The following TANC2 variants were observed in gnomAD, a reference collection of about 807,000 sequenced individuals.
The protein encoded by TANC2 is tetratricopeptide repeat, ankyrin repeat and coiled-coil containing 2.
A neutral mutation model predicts 210.5 loss-of-function variants in TANC2; 26 were observed. The ratio of observed to expected loss-of-function variants is 0.12; its 90% CI spans 0.09 to 0.17. TANC2 has a LOEUF of 0.17. TANC2 is among the 10% of genes least tolerant of loss of function. The pLI, the probability that TANC2 is intolerant of heterozygous loss-of-function variation, is 1.00. For missense variants in TANC2, 2,129 were observed against 2,608.9 expected (o/e 0.82, Z 4.01); for synonymous variants, 931 against 967.1 (o/e 0.96, Z 0.69).
chr17:63,105,670 C>G (rs1035913562), intron 4 of TANC2, among the ~76,000 whole-genome samples: 2 of 151,466 alleles, frequency 1.3e-5, no homozygotes, highest in Admixed American at 1.3e-4. Context: ...TCATTTATAT[C>G]TTGGAAAAAA....
chr17:63,181,557 G>A (rs1383487107), intron 5 of TANC2, among the ~76,000 whole-genome samples: 4 of 152,202 alleles, frequency 2.6e-5, no homozygotes, highest in Non-Finnish European at 5.9e-5. Context: ...TTTAAAATGC[G>A]TCTTCAAGGT....
chr17:63,366,490 G>T (rs1421053947), intron 14 of TANC2, among the ~76,000 whole-genome samples: 1 of 152,222 alleles, frequency 6.6e-6, no homozygotes, highest in African/African-American at 2.4e-5. Flanking sequence ...TGACATTTCA[G>T]TGGAGTCATA....
chr17:63,230,359 T>C (rs1326406239), intron 7 of TANC2, among the ~76,000 whole-genome samples: 1 of 152,162 alleles, frequency 6.6e-6, no homozygotes, highest in Non-Finnish European at 1.5e-5. Context: ...TCTCTAGTTC[T>C]TTTAGTTGTG....
chr17:62,973,773 CTGTT>C (rs1351042680), intron 1 of TANC2, among the ~76,000 whole-genome samples: 3 of 152,190 alleles, frequency 2.0e-5, no homozygotes, highest in African/African-American at 4.8e-5. Flanking sequence ...AGCCCATTGT[CTGTT>C]TTTGTATGAC....
chr17:63,357,493 T>C (rs529508542), intron 14 of TANC2, among the ~76,000 whole-genome samples: 1 of 152,338 alleles, frequency 6.6e-6, no homozygotes, highest in Admixed American at 6.5e-5. Context: ...CCCTGATGAT[T>C]GAATAGCATG....
At chr17:63,388,564 C>T in intron 15 of TANC2, 71 bp from the exon 16 acceptor site, 1 of 1,477,782 alleles carries the variant, frequency 6.8e-7, no homozygotes, top group African/African-American at 1.4e-5. Context: ...AACAAAGAGG[C>T]CACTAATTCA....
chr17:63,210,866 G>A (rs1309230572), intron 7 of TANC2, among the ~76,000 whole-genome samples: 1 of 151,750 alleles, frequency 6.6e-6, no homozygotes, highest in Non-Finnish European at 1.5e-5. Context: ...TTTTCTTTTT[G>A]AATCAGTTTC....
At chr17:63,325,507 C>A (rs1242867026) in intron 11 of TANC2, among the ~76,000 whole-genome samples, 1 of 152,186 alleles carries the variant, frequency 6.6e-6, no homozygotes, top group Non-Finnish European at 1.5e-5. Flanking sequence ...GTGTGTTGCC[C>A]TAGCACCCTA....
intron 21 of TANC2, among the ~76,000 whole-genome samples, chr17:63,410,984 T>A (rs960120642): frequency 6.6e-6 from 1 of 151,264 alleles, no homozygotes; most frequent in Non-Finnish European, 1.5e-5. Context: ...TAAGCATACT[T>A]AAGATGAGGT....
chr17:63,150,466 A>G (rs913237548), intron 4 of TANC2: 2 of 152,218 alleles, frequency 1.3e-5, no homozygotes, highest in African/African-American at 4.8e-5. Flanking sequence ...CATACTTTCA[A>G]TAAGTAAAAC....
At chr17:63,022,446 A>G (rs1028599697) in intron 2 of TANC2, among the ~76,000 whole-genome samples, 27 of 152,162 alleles carry the variant, frequency 1.8e-4, no homozygotes, top group African/African-American at 4.8e-4. Context: ...ACAGTGAGCT[A>G]TGGGAGCAAA....
chr17:63,059,406 C>T (rs2035917008), intron 2 of TANC2, among the ~76,000 whole-genome samples: 2 of 152,302 alleles, frequency 1.3e-5, no homozygotes, highest in Middle Eastern at 3.4e-3. Flanking sequence ...GTGTTCCTAT[C>T]ATCACTTGTT....
intron 1 of TANC2, among the ~76,000 whole-genome samples, chr17:62,973,880 T>C (rs1002244555): frequency 6.6e-6 from 1 of 152,192 alleles, no homozygotes; most frequent in African/African-American, 2.4e-5. Flanking sequence ...TTAAAGGAGA[T>C]TCAAATTTCA....
At chr17:63,035,714 C>G (rs2034943814) in intron 2 of TANC2, among the ~76,000 whole-genome samples, 1 of 152,138 alleles carries the variant, frequency 6.6e-6, no homozygotes, top group Non-Finnish European at 1.5e-5. Flanking sequence ...ATCTGTAGGG[C>G]TGATGCCTAA....
chr17:62,996,890 T>G (rs1374667605), intron 1 of TANC2, among the ~76,000 whole-genome samples: 1 of 150,122 alleles, frequency 6.7e-6, no homozygotes, highest in Admixed American at 6.7e-5. Context: ...CTGGGTTCAC[T>G]GCAACCTCTG....
At chr17:63,008,926 A>C (rs1438047734) in intron 1 of TANC2, among the ~76,000 whole-genome samples, 1 of 152,084 alleles carries the variant, frequency 6.6e-6, no homozygotes, top group Non-Finnish European at 1.5e-5. Context: ...TGAAAGGTAG[A>C]CAGTATTTAT....
intron 1 of TANC2, among the ~76,000 whole-genome samples, chr17:62,989,207 G>T (rs1482056434): frequency 6.6e-6 from 1 of 152,126 alleles, no homozygotes; most frequent in Non-Finnish European, 1.5e-5. Flanking sequence ...ATTATCTGCA[G>T]TACCTGCTGA....
At chr17:63,189,203 T>C (rs2041103423) in intron 5 of TANC2, among the ~76,000 whole-genome samples, 1 of 152,200 alleles carries the variant, frequency 6.6e-6, no homozygotes. Context: ...GGTTCTATTT[T>C]TGACTGTTAT....
At chr17:63,281,813 C>T (rs2044067344) in intron 9 of TANC2, among the ~76,000 whole-genome samples, 2 of 151,986 alleles carry the variant, frequency 1.3e-5, no homozygotes, top group Non-Finnish European at 2.9e-5. Flanking sequence ...CACAGAAGTA[C>T]ACAAGGAAGG....
Sources: allele counts gnomAD v4.1 joint callset (sites outside exome capture counted in the v4.1 genomes callset), GRCh38; gene constraint gnomAD v4.1.1; transcripts MANE v1.5; gene names NCBI Gene and HGNC (gene_info 2026-07-23, HGNC 2026-07-21).